EDA2R: variants seen among roughly 807,000 people sequenced by gnomAD.
EDA2R encodes the protein ectodysplasin A2 receptor.
Under a neutral mutation model 20.1 loss-of-function variants are expected in EDA2R, and 26 were observed. The observed-to-expected ratio is 1.30, with a 90% confidence interval of 0.95 to 1.80. The LOEUF (loss-of-function observed/expected upper bound fraction) is 1.80. Among genes scored for constraint, EDA2R ranks in the 40% most tolerant of loss-of-function variants. The probability of loss-of-function intolerance (pLI) is 0.00; values close to 1 mark genes in which losing one functional copy is unlikely to be tolerated. For synonymous variants in EDA2R, 114 were observed against 88.7 expected, an observed-to-expected ratio of 1.29 and a Z score of -1.60; for missense variants, 277 against 228.7, an observed-to-expected ratio of 1.21 and a Z score of -1.36.
At chrX:66,621,494 A>G (rs1932613010) in intron 1 of EDA2R, among the ~76,000 whole-genome samples, 1 of 112,598 alleles carries the variant, frequency 8.9e-6, no homozygotes, top group African/African-American at 3.2e-5. Context: ...AAAGTGGGGA[A>G]AATCCACATG....
chrX:66,603,661 G>A (rs1929067763), intron 4 of EDA2R, among the ~76,000 whole-genome samples: 1 of 111,958 alleles, frequency 8.9e-6, no homozygotes, highest in Non-Finnish European at 1.9e-5. Context: ...CTTTAGCATA[G>A]CCTACCAACA....
At chrX:66,611,679 C>T (rs1930761812) in intron 2 of EDA2R, among the ~76,000 whole-genome samples, 1 of 110,654 alleles carries the variant, frequency 9.0e-6, no homozygotes, top group Non-Finnish European at 1.9e-5. Context: ...AACAAAGCCT[C>T]AAGAACCTAT....
Position 66,599,679 on chromosome X carries a change from G to A in EDA2R, c.699C>T (p.Ser233=). 1 of 1,208,764 alleles carries A rather than the reference G, an allele frequency of 8.3e-7. No homozygotes were observed. The highest frequency in any genetic ancestry group is 1.1e-6 in the Non-Finnish European group (1 of 894,259). Residue 233 remains serine (S), a synonymous_variant, in exon 6 of 7, where the codon TCC becomes TCT. Coordinates refer to ENST00000374719, the MANE Select transcript of EDA2R (RefSeq NM_021783.5). The part of the protein sequence containing the change: ...SSTSGFPTQE[S]FTMASCTSES... ...CTGAGGTGCAGGAGGCCATGGTAAA[G>A]GACTCCTGTGTGGGGAAGCCACTAG...
intron 2 of EDA2R, among the ~76,000 whole-genome samples, chrX:66,613,704 T>C (rs1221431496): frequency 9.0e-6 from 1 of 111,504 alleles, no homozygotes; most frequent in East Asian, 2.8e-4. Flanking sequence ...AATTCAGAAG[T>C]GTTATCTGCT....
intron 1 of EDA2R, among the ~76,000 whole-genome samples, chrX:66,620,595 T>A (rs1052449996): frequency 9.0e-6 from 1 of 111,277 alleles, no homozygotes; most frequent in Non-Finnish European, 1.9e-5. Context: ...AGGAAGTAGT[T>A]GCTTAGATAT....
At chrX:66,633,824 C>A (rs922965476) in intron 1 of EDA2R, among the ~76,000 whole-genome samples, 1 of 111,746 alleles carries the variant, frequency 8.9e-6, no homozygotes, top group African/African-American at 3.3e-5. Context: ...TGAGTTGTCC[C>A]AGTTGGGTAT....
chrX:66,637,698 A>T (rs748569382), intron 1 of EDA2R, among the ~76,000 whole-genome samples: 1 of 112,598 alleles, frequency 8.9e-6, no homozygotes, highest in Non-Finnish European at 1.9e-5. Flanking sequence ...TGTGTGCCAC[A>T]GTCTATCTTA....
chrX:66,602,591 C>A (rs373891781), intron 5 of EDA2R, 42 bp downstream of exon 5: 400 of 1,151,598 alleles, frequency 3.5e-4, no homozygotes, highest in Non-Finnish European at 4.5e-4. Context: ...CAATAAGAGC[C>A]TTGTTCCTGA....
At chrX:66,610,839 C>T (rs1388327996) in intron 2 of EDA2R, among the ~76,000 whole-genome samples, 3 of 111,460 alleles carry the variant, frequency 2.7e-5, no homozygotes, top group African/African-American at 9.8e-5. Flanking sequence ...CGATTCCCCA[C>T]ACACAACTAG....
At chrX:66,625,002 G>A (rs1932926571) in intron 1 of EDA2R, among the ~76,000 whole-genome samples, 1 of 111,858 alleles carries the variant, frequency 8.9e-6, no homozygotes, top group African/African-American at 3.3e-5. Context: ...CAGGGGTAGA[G>A]GAAGCAGCGG....
intron 6 of EDA2R, among the ~76,000 whole-genome samples, chrX:66,598,392 T>A (rs1569218651): frequency 8.9e-6 from 1 of 111,883 alleles, no homozygotes; most frequent in African/African-American, 3.3e-5. Flanking sequence ...AGGAAACTGA[T>A]GAGGTCTGTC....
intron 1 of EDA2R, among the ~76,000 whole-genome samples, chrX:66,638,001 T>C (rs755272759): frequency 8.9e-6 from 1 of 112,593 alleles, no homozygotes; most frequent in Admixed American, 9.4e-5. Flanking sequence ...AAAAAAACCT[T>C]TTTCTGATTT....
chrX:66,617,649 C>A (rs113248964), intron 1 of EDA2R, among the ~76,000 whole-genome samples: 221 of 111,247 alleles, frequency 2.0e-3, no homozygotes, highest in African/African-American at 6.9e-3. Flanking sequence ...ACAACTGCTG[C>A]TGGCATTTGA....
chrX:66,611,575 G>C (rs1477268471), intron 2 of EDA2R, among the ~76,000 whole-genome samples: 1 of 111,164 alleles, frequency 9.0e-6, no homozygotes. Context: ...CTTAGTAGTA[G>C]AGAAGAGACA....
At chrX:66,633,737 G>A (rs1934067312) in intron 1 of EDA2R, among the ~76,000 whole-genome samples, 1 of 111,578 alleles carries the variant, frequency 9.0e-6, no homozygotes, top group African/African-American at 3.3e-5. Context: ...TAAAATTACG[G>A]TATAATAAAA....
chrX:66,609,127 AAC>A (rs1930259185), intron 2 of EDA2R, among the ~76,000 whole-genome samples: 1 of 111,923 alleles, frequency 8.9e-6, no homozygotes. Context: ...CTGCTTAAAA[AAC>A]ACAGAGCTCC....
chrX:66,606,893 C>G (rs1929780750), intron 2 of EDA2R, among the ~76,000 whole-genome samples: 1 of 111,973 alleles, frequency 8.9e-6, no homozygotes. Flanking sequence ...ATGTATGTTC[C>G]ACTCGATTGA....
intron 5 of EDA2R, among the ~76,000 whole-genome samples, chrX:66,600,682 C>T (rs1378186562): frequency 8.9e-6 from 1 of 111,753 alleles, no homozygotes; most frequent in Non-Finnish European, 1.9e-5. Context: ...TTTGTTATGG[C>T]CATGATAGAA....
At chrX:66,604,344 T>C in intron 4 of EDA2R, 77 bp downstream of exon 4, 2 of 878,209 alleles carry the variant, frequency 2.3e-6, no homozygotes, top group Non-Finnish European at 3.2e-6. Flanking sequence ...TGAGGGGATA[T>C]GGGTAGTCTT....
Sources: gnomAD v4.1 joint callset for allele counts (sites outside exome capture counted in the v4.1 genomes callset) on GRCh38, gnomAD v4.1.1 for gene constraint, MANE v1.5 for transcripts, NCBI Gene and HGNC (gene_info 2026-07-23, HGNC 2026-07-21) for gene names.